The following KCNJ6 variants were observed in gnomAD, a reference collection of about 807,000 sequenced individuals.
KCNJ6 encodes G protein-activated inward rectifier potassium channel 2.
In KCNJ6, 9 loss-of-function variants were observed where a neutral mutation model predicts 34.2. That is an observed-to-expected ratio of 0.26 (90% CI 0.16 to 0.46). The LOEUF is 0.46. Among genes scored for constraint, KCNJ6 ranks in the 20% least tolerant of loss-of-function variants. KCNJ6 has a pLI of 1.00. For synonymous variants in KCNJ6, 196 were observed against 207.1 expected (o/e 0.95, Z 0.46); for missense variants, 236 against 531.3 (o/e 0.44, Z 5.46).
chr21:37,828,821 C>T (rs543372872), intron 2 of KCNJ6, among the ~76,000 whole-genome samples: 57 of 152,356 alleles, frequency 3.7e-4, no homozygotes, highest in African/African-American at 1.1e-3. Context: ...GGACTGTCCA[C>T]GCTTCCCTGA....
intron 3 of KCNJ6, among the ~76,000 whole-genome samples, chr21:37,678,235 T>C (rs971933911): frequency 2.6e-5 from 4 of 152,238 alleles, no homozygotes; most frequent in African/African-American, 9.6e-5. Flanking sequence ...GAGTGATTCG[T>C]TGGGCTGCTG....
intron 3 of KCNJ6, among the ~76,000 whole-genome samples, chr21:37,701,911 G>A (rs1189793124): frequency 6.6e-6 from 1 of 152,168 alleles, no homozygotes; most frequent in Non-Finnish European, 1.5e-5. Context: ...AAGCAAGTGA[G>A]GTGATTTGCT....
chr21:37,842,625 AC>A (rs1390727193), intron 1 of KCNJ6, among the ~76,000 whole-genome samples: 2 of 152,176 alleles, frequency 1.3e-5, no homozygotes, highest in African/African-American at 2.4e-5. Flanking sequence ...TATTTAGCCT[AC>A]CACTTGGGTT....
intron 1 of KCNJ6, among the ~76,000 whole-genome samples, chr21:37,880,025 G>A (rs2055699483): frequency 6.6e-6 from 1 of 151,800 alleles, no homozygotes; most frequent in Non-Finnish European, 1.5e-5. Flanking sequence ...TTGGGAAGCT[G>A]AGGCAGGTGG....
chr21:37,673,837 AG>A (rs904334517), intron 3 of KCNJ6, among the ~76,000 whole-genome samples: 16 of 152,146 alleles, frequency 1.1e-4, no homozygotes, highest in Middle Eastern at 3.2e-3. Flanking sequence ...AAGAAGGGGA[AG>A]GGGCTCTCAT....
intron 1 of KCNJ6, among the ~76,000 whole-genome samples, chr21:37,881,187 C>G (rs2055705975): frequency 6.6e-6 from 1 of 151,962 alleles, no homozygotes; most frequent in Non-Finnish European, 1.5e-5. Context: ...TGGGATGCAC[C>G]CAAAGGAAGG....
At chr21:37,690,983 A>T (rs1474686013) in intron 3 of KCNJ6, among the ~76,000 whole-genome samples, 1 of 152,050 alleles carries the variant, frequency 6.6e-6, no homozygotes, top group East Asian at 1.9e-4. Context: ...AGGTTTCACC[A>T]TCTTGGCCAG....
chr21:37,665,879 A>G (rs1216963109), intron 3 of KCNJ6, among the ~76,000 whole-genome samples: 1 of 152,172 alleles, frequency 6.6e-6, no homozygotes, highest in African/African-American at 2.4e-5. Flanking sequence ...TAGTTACTCC[A>G]AGCAGGGAGT....
intron 1 of KCNJ6, among the ~76,000 whole-genome samples, chr21:37,849,630 C>T (rs909804742): frequency 5.9e-5 from 9 of 152,150 alleles, no homozygotes; most frequent in African/African-American, 2.2e-4. Flanking sequence ...GCCCATTGCT[C>T]ATCACTTCTA....
intron 3 of KCNJ6, among the ~76,000 whole-genome samples, chr21:37,634,086 G>A (rs1043601856): frequency 5.9e-5 from 9 of 152,268 alleles, no homozygotes; most frequent in South Asian, 4.2e-4. Context: ...CAGGAAACAC[G>A]TATGATTATG....
chr21:37,779,664 T>C (rs1354433345), intron 2 of KCNJ6, among the ~76,000 whole-genome samples: 1 of 152,200 alleles, frequency 6.6e-6, no homozygotes, highest in Non-Finnish European at 1.5e-5. Context: ...CAGGAGCCTC[T>C]GTTTGAAGCA....
rs193140182 is a variant in KCNJ6 at position 37,662,127 on chromosome 21, A to G, written c.947-36643T>C. Among the ~76,000 whole-genome samples the G allele has an allele frequency of 3.3e-3, 508 of 152,268 alleles. 3 individuals carry two copies. Among genetic ancestry groups the G allele is most frequent in the Middle Eastern group, 0.017 (5 of 294 alleles). ...TTTTATATTTTAAGTTCCAGGATAC[A>G]TGTGCAGGATGTACAGGTTTGTTAC... On this transcript the variant is annotated intron_variant, in intron 3 of 3. Coordinates refer to ENST00000609713, the MANE Select transcript of KCNJ6 (RefSeq NM_002240.5).
chr21:37,782,487 G>C (rs190770140), intron 2 of KCNJ6, among the ~76,000 whole-genome samples: 6 of 152,212 alleles, frequency 3.9e-5, no homozygotes, highest in African/African-American at 1.2e-4. Flanking sequence ...TTAGGGCCAC[G>C]CTTGCTGACT....
At chr21:37,863,846 G>GT (rs772060420) in intron 1 of KCNJ6, among the ~76,000 whole-genome samples, 3,661 of 96,752 alleles carry the variant, frequency 0.038, 541 homozygotes, top group Non-Finnish European at 0.051. Flanking sequence ...AAATATAAAG[G>GT]TTTTTTTTTT....
intron 2 of KCNJ6, among the ~76,000 whole-genome samples, chr21:37,796,521 C>A (rs1280855637): frequency 6.6e-6 from 1 of 151,912 alleles, no homozygotes; most frequent in Non-Finnish European, 1.5e-5. Flanking sequence ...TTGTTAGCCT[C>A]GGTTTTGTCC....
chr21:37,845,436 C>T (rs1163445055), intron 1 of KCNJ6, among the ~76,000 whole-genome samples: 3 of 152,070 alleles, frequency 2.0e-5, no homozygotes, highest in Non-Finnish European at 4.4e-5. Flanking sequence ...GTTTGGAAGC[C>T]TGGGTCTAGA....
At chr21:37,765,067 AACTTAAT>A (rs956699575) in intron 2 of KCNJ6, among the ~76,000 whole-genome samples, 4 of 152,124 alleles carry the variant, frequency 2.6e-5, no homozygotes, top group Admixed American at 6.5e-5. Context: ...AAATTATATA[AACTTAAT>A]ACTTAATTAT....
chr21:37,666,886 C>T (rs1488892172), intron 3 of KCNJ6, among the ~76,000 whole-genome samples: 1 of 151,298 alleles, frequency 6.6e-6, no homozygotes, highest in Non-Finnish European at 1.5e-5. Context: ...TGTGCTGTGT[C>T]AACTCAGGGT....
At chr21:37,894,775 C>T (rs561658092) in intron 1 of KCNJ6, among the ~76,000 whole-genome samples, 9 of 152,308 alleles carry the variant, frequency 5.9e-5, no homozygotes, top group Non-Finnish European at 1.0e-4. Flanking sequence ...TAGGTCCCCT[C>T]TAGGTGAGGC....
Sources: gnomAD v4.1 joint callset for allele counts (sites outside exome capture counted in the v4.1 genomes callset) on GRCh38, gnomAD v4.1.1 for gene constraint, MANE v1.5 for transcripts, NCBI Gene and HGNC (gene_info 2026-07-23, HGNC 2026-07-21) for gene names.